NPR1: variants seen among roughly 807,000 people sequenced by gnomAD.
The protein encoded by NPR1 is atrial natriuretic peptide receptor 1.
A neutral mutation model predicts 116.9 loss-of-function variants in NPR1; 57 were observed. The ratio of observed to expected loss-of-function variants is 0.49; its 90% CI spans 0.39 to 0.61. NPR1 has a LOEUF of 0.61. NPR1 is among the 20% of genes least tolerant of loss of function. The pLI is 0.00. For synonymous variants in NPR1, 555 were observed against 601.6 expected, an observed-to-expected ratio of 0.92 and a Z score of 1.13; for missense variants, 1,096 against 1,409.8, an observed-to-expected ratio of 0.78 and a Z score of 3.56.
chr1:153,691,722 C>T (rs372940693), intron 20 of NPR1, among the ~76,000 whole-genome samples: 8 of 151,914 alleles, frequency 5.3e-5, no homozygotes, highest in African/African-American at 1.9e-4. Flanking sequence ...CATGGTGAAC[C>T]TCCTGTCTCT....
chr1:153,685,771 C>T (rs374290255), intron 8 of NPR1, 35 bp from the exon 9 acceptor site: 12 of 1,570,858 alleles, frequency 7.6e-6, no homozygotes, highest in East Asian at 2.2e-5. Context: ...CTGGGCCCAC[C>T]GGCTGACCAT....
chr1:153,682,083 C>A (rs1669796699), intron 4 of NPR1, among the ~76,000 whole-genome samples: 1 of 151,198 alleles, frequency 6.6e-6, no homozygotes. Context: ...GAGATGGAGT[C>A]TCGCTCTGTC....
At position 153,689,872 on chromosome 1, in the gene NPR1, G is replaced by T; in HGVS notation, c.2824G>T (p.Ala942Ser). Reference sequence around the variant, plus strand: ...CCCTGTGCGGAACGGGCGGCTACACGCCTGCGAGGTAGCCCGCATGGCCCT... The same window carrying T: ...CCCTGTGCGGAACGGGCGGCTACACTCCTGCGAGGTAGCCCGCATGGCCCT... The part of the protein sequence containing the change: ...GLPVRNGRLH[A>S]CEVARMALAL... The change falls in exon 19 of 22, where the codon GCC (alanine) becomes TCC (serine). Residue 942 changes from alanine to serine, a missense_variant. Physicochemically the swap from Ala to Ser is moderately conservative, Grantham distance 99 (BLOSUM62 1). Coordinates refer to ENST00000368680, the MANE Select transcript of NPR1 (RefSeq NM_000906.4). This position sits in a 1 kb window ranked among gnomAD's most constrained non-coding sequence, Gnocchi z 5.1. 6.3e-7 allele frequency: 1 copy of T among 1,590,690 alleles called. No homozygotes were observed. Among genetic ancestry groups the T allele is most frequent in the East Asian group, 2.3e-5 (1 of 43,928 alleles).
chr1:153,688,318 G>A (rs1669991677), intron 15 of NPR1, 97 bp downstream of exon 15: 1 of 1,301,164 alleles, frequency 7.7e-7, no homozygotes, highest in Non-Finnish European at 1.1e-6. Flanking sequence ...GTGGCAGAGG[G>A]AGACCACTCA....
At chr1:153,692,666 C>T (rs921116952) in intron 20 of NPR1, among the ~76,000 whole-genome samples, 2 of 152,098 alleles carry the variant, frequency 1.3e-5, no homozygotes, top group African/African-American at 4.8e-5. Context: ...GTGAGTGCCA[C>T]CACACACAGC....
At position 153,685,814 on chromosome 1, in the gene NPR1, C is replaced by G; in HGVS notation, c.1614C>G (p.Ser538=). 1.9e-6 allele frequency: 3 copies of G among 1,614,076 alleles called. No homozygotes were observed. Among genetic ancestry groups the G allele is most frequent in the South Asian group, 1.1e-5 (1 of 91,086 alleles). Residue 538 remains serine, a synonymous_variant, in exon 9 of 22, where the codon TCC becomes TCG. Transcript: ENST00000368680. ...GCTCTCCCTCCTTTCAGAGAGGCTC[C>G]AATTACGGCTCCCTGCTAACCACAG... ...GSRLTLSGRG[S]NYGSLLTTEG... is the part of the protein sequence containing the mutation.
At chr1:153,683,628 CT>C in intron 6 of NPR1, 111 bp from the exon 7 acceptor site, 2 of 1,548,216 alleles carry the variant, frequency 1.3e-6, no homozygotes, top group Non-Finnish European at 8.9e-7. Flanking sequence ...TGACTCCTGC[CT>C]TTTTCTTCCC....
At chr1:153,683,159 C>T (rs777766959) in intron 5 of NPR1, among the ~76,000 whole-genome samples, 21 of 151,930 alleles carry the variant, frequency 1.4e-4, no homozygotes, top group Non-Finnish European at 3.1e-4. Flanking sequence ...TCTTTATAAA[C>T]CCCTTGATAG....
chr1:153,690,043 C>A, intron 19 of NPR1, 63 bp downstream of exon 19: 1 of 1,403,522 alleles, frequency 7.1e-7, no homozygotes, highest in Non-Finnish European at 9.5e-7. Context: ...GAAACTTGTC[C>A]CCTGGCCCAG....
At chr1:153,685,141 C>T in intron 8 of NPR1, 57 bp downstream of exon 8, 9 of 1,596,890 alleles carry the variant, frequency 5.6e-6, no homozygotes, top group Non-Finnish European at 7.7e-6. Context: ...GTACAAGGGG[C>T]AGTGCCTGAG....
chr1:153,693,370 A>T lies in NPR1; in HGVS notation c.3142A>T (p.Thr1048Ser), dbSNP rs1490005714. The T allele has an allele frequency of 1.2e-6, 2 of 1,613,014 alleles. No homozygotes were observed. Residue 1048 changes from threonine (T) to serine (S), a missense_variant, in exon 22 of 22, where the codon ACC (threonine) becomes TCC (serine). Physicochemically the swap from Thr to Ser is moderately conservative, Grantham distance 58. Transcript: ENST00000368680. ...CCTCCAGGGCAAAGGCAAGGTTCGG[A>T]CCTACTGGCTCCTTGGGGAGAGGGG... ...VEMKGKGKVRTYWLLGERGSS... is the reference protein window; with the variant it reads ...VEMKGKGKVRSYWLLGERGSS...
Position 153,681,167 on chromosome 1 carries a change from A to G in NPR1, c.922-13A>G. 6.6e-7 allele frequency: 1 copy of G among 1,510,772 alleles called. No homozygotes were observed. The highest frequency in any genetic ancestry group is 9.2e-7 in the Non-Finnish European group (1 of 1,085,944). The allele number at this position is 1,510,772 out of a possible 1,614,324, so 93.6% of individuals were successfully genotyped here. On this transcript the variant is annotated splice_polypyrimidine_tract_variant and intron_variant, in intron 2 of 21. Coordinates refer to ENST00000368680, the MANE Select transcript of NPR1 (RefSeq NM_000906.4). Reference sequence around the variant, plus strand: ...GCTCCCAACTCTCTGCTCTCCACTGACCCCTTTCTCAGGCTGCCAAAATCA... The same window carrying G: ...GCTCCCAACTCTCTGCTCTCCACTGGCCCCTTTCTCAGGCTGCCAAAATCA...
In NPR1 at chr1:153,687,295, C is replaced by T. The variant is rs139564474; in HGVS notation, c.2031C>T (p.Thr677=). Reference sequence around the variant, plus strand: ...ATGGGCGCTTTGTGCTCAAGATCACCGACTATGGGCTGGAGAGCTTCAGGG... The same window carrying T: ...ATGGGCGCTTTGTGCTCAAGATCACTGACTATGGGCTGGAGAGCTTCAGGG... The part of the protein sequence containing the change: ...VVDGRFVLKI[T]DYGLESFRDL... The change falls in exon 13 of 22, where the codon ACC becomes ACT. Residue 677 remains threonine, a synonymous_variant. Coordinates refer to ENST00000368680, the MANE Select transcript of NPR1 (RefSeq NM_000906.4). The T allele has an allele frequency of 2.0e-5, 33 of 1,613,978 alleles. No homozygotes were observed. Among genetic ancestry groups the T allele is most frequent in the Non-Finnish European group, 1.7e-5 (20 of 1,180,002 alleles).
rs1670153037 is a variant in NPR1 at position 153,693,237 on chromosome 1, C to T, written c.3123+40C>T. ...CTCTGCCCTCCCCACCTTTTGGGGT[C>T]CTAGAGGGAGTTACCCTTCTCAAGC... On this transcript the variant is annotated intron_variant, in intron 21 of 21. Transcript: ENST00000368680. 3 of 1,600,528 alleles carry T rather than the reference C, an allele frequency of 1.9e-6. No homozygotes were observed. In the East Asian group the frequency reaches 6.7e-5, roughly 36 times the overall value.
rs1392295355 is a variant in NPR1 at position 153,683,443 on chromosome 1, C to T, written c.1331C>T (p.Pro444Leu). The T allele has an allele frequency of 6.2e-7, 1 of 1,614,124 alleles. No homozygotes were observed. Among genetic ancestry groups the T allele is most frequent in the South Asian group, 1.1e-5 (1 of 91,090 alleles). ...VAVSGRKLNW[P>L]LGYPPPDIPK... The stretch of plus-strand genomic sequence containing the variant: ...GTGTCGGGGCGCAAACTGAACTGGC[C>T]CCTGGGGTACCCTCCTCCTGACATC... Residue 444 changes from proline (P) to leucine (L), a missense_variant, in exon 6 of 22, where the codon CCC becomes CTC. Transcript: ENST00000368680.
chr1:153,684,695 TTC>T (rs1280799248), intron 7 of NPR1, among the ~76,000 whole-genome samples: 2 of 152,162 alleles, frequency 1.3e-5, no homozygotes, highest in Non-Finnish European at 2.9e-5. Context: ...TGGCCTCATG[TTC>T]ACTATTTCTT....
At chr1:153,686,420 T>C (rs1669929892) in intron 10 of NPR1, among the ~76,000 whole-genome samples, 1 of 151,646 alleles carries the variant, frequency 6.6e-6, no homozygotes, top group Non-Finnish European at 1.5e-5. Flanking sequence ...TGAGGGGCCA[T>C]ATGTGATGTC....
chr1:153,681,600 C>A, intron 3 of NPR1, 104 bp from the exon 4 acceptor site: 1 of 1,296,228 alleles, frequency 7.7e-7, no homozygotes, highest in Non-Finnish European at 1.1e-6. Context: ...TTATTTTCTC[C>A]CATCCTCTTC....
chr1:153,686,780 T>G, intron 11 of NPR1, 30 bp downstream of exon 11: 1 of 1,592,616 alleles, frequency 6.3e-7, no homozygotes, highest in Non-Finnish European at 8.6e-7. Context: ...TCAAGAAACC[T>G]GGGTTCTAGC....
Sources: allele counts gnomAD v4.1 joint callset (sites outside exome capture counted in the v4.1 genomes callset), GRCh38; gene constraint gnomAD v4.1.1; non-coding constraint Gnocchi (gnomAD v3.1); transcripts MANE v1.5; gene names NCBI Gene and HGNC (gene_info 2026-07-23, HGNC 2026-07-21).